ANXA4: variants seen among roughly 807,000 people sequenced by gnomAD.
ANXA4 encodes annexin A4, also known as 35-beta calcimedin.
In ANXA4, 39 loss-of-function variants were observed where a neutral mutation model predicts 49.8. That is an observed-to-expected ratio of 0.78 (90% confidence interval 0.61 to 1.02). The LOEUF (loss-of-function observed/expected upper bound fraction) is 1.02. Ranked by LOEUF, ANXA4 falls within the 50% of genes least tolerant of loss-of-function variation. The pLI is 0.00. For synonymous variants in ANXA4, 134 were observed against 152.5 expected, an observed-to-expected ratio of 0.88 and a Z score of 0.89; for missense variants, 360 against 410.1, an observed-to-expected ratio of 0.88 and a Z score of 1.05.
intron 2 of ANXA4, among the ~76,000 whole-genome samples, chr2:69,711,989 T>C (rs1174354972): frequency 6.6e-6 from 1 of 152,104 alleles, no homozygotes; most frequent in Non-Finnish European, 1.5e-5. Flanking sequence ...ATACATAGGA[T>C]TTTTGTATGT....
chr2:69,738,353 C>T (rs1473018522), upstream of ANXA4, among the ~76,000 whole-genome samples: 3 of 152,174 alleles, frequency 2.0e-5, no homozygotes, highest in Non-Finnish European at 4.4e-5. Context: ...TGAGTTTGAA[C>T]TTGGCTGCCA....
chr2:69,759,659 A>G (rs1250732035), intron 1 of ANXA4, among the ~76,000 whole-genome samples: 1 of 152,168 alleles, frequency 6.6e-6, no homozygotes, highest in Non-Finnish European at 1.5e-5. Flanking sequence ...AGGAGAGGTT[A>G]ATAGTGATAA....
chr2:69,790,680 CTGGCAGGATT>C (rs1207737015), intron 3 of ANXA4, among the ~76,000 whole-genome samples: 2 of 152,128 alleles, frequency 1.3e-5, no homozygotes, highest in Non-Finnish European at 2.9e-5. Flanking sequence ...TCTAGTTTAC[CTGGCAGGATT>C]TGTAGGATAA....
At chr2:69,712,598 C>G (rs911332673) in intron 2 of ANXA4, among the ~76,000 whole-genome samples, 3 of 152,100 alleles carry the variant, frequency 2.0e-5, no homozygotes, top group African/African-American at 7.2e-5. Flanking sequence ...TGCAATGGTT[C>G]TGGGCCTTTT....
At position 69,742,535 on chromosome 2, in the gene ANXA4, ACTC is replaced by A. The variant is rs534327244; in HGVS notation, c.-47+366_-47+368del. On this transcript the variant is annotated intron_variant, in intron 1 of 12. Coordinates refer to ENST00000394295, the MANE Select transcript of ANXA4 (RefSeq NM_001153.5). ...ACCGAGATAATCTTGCCTGTAGCTA[ACTC>A]CTCCTAACACCTCTTACAGTTTACT... is the stretch of plus-strand genomic sequence containing the variant. Among the ~76,000 whole-genome samples, 893 of 152,250 alleles carry A rather than the reference ACTC, an allele frequency of 5.9e-3. 4 individuals are homozygous for A. The highest frequency in any genetic ancestry group is 9.2e-3 in the Non-Finnish European group (623 of 67,998).
intron 2 of ANXA4, among the ~76,000 whole-genome samples, chr2:69,698,652 T>C (rs756840560): frequency 1.3e-5 from 2 of 152,108 alleles, no homozygotes; most frequent in Non-Finnish European, 2.9e-5. Flanking sequence ...GGCAGGACTG[T>C]GCGATGGGCA....
chr2:69,722,914 T>C (rs1405539534), intron 3 of ANXA4, among the ~76,000 whole-genome samples: 1 of 151,814 alleles, frequency 6.6e-6, no homozygotes, highest in East Asian at 1.9e-4. Flanking sequence ...GGCTCATGCC[T>C]GTAATCCCAG....
chr2:69,651,621 G>A (rs576135236), intron 1 of ANXA4, among the ~76,000 whole-genome samples: 2 of 150,644 alleles, frequency 1.3e-5, no homozygotes, highest in East Asian at 4.0e-4. Context: ...TCCTGCCTCG[G>A]CCTCCGGAGT....
At chr2:69,749,784 G>T (rs1403831434) in intron 1 of ANXA4, among the ~76,000 whole-genome samples, 1 of 151,772 alleles carries the variant, frequency 6.6e-6, no homozygotes, top group African/African-American at 2.4e-5. Flanking sequence ...AAATAGCTAG[G>T]TGTGGTAGTG....
chr2:69,774,614 A>C (rs1396632288), intron 1 of ANXA4, among the ~76,000 whole-genome samples: 1 of 152,062 alleles, frequency 6.6e-6, no homozygotes, highest in African/African-American at 2.4e-5. Context: ...TGCAGAGATT[A>C]CAGGCGTGAG....
rs1669852463 is a variant in ANXA4, at chr2:69,722,968, C to G, written n.864+2097C>G. Among the ~76,000 whole-genome samples, 4 of 148,406 alleles carry G rather than the reference C, an allele frequency of 2.7e-5. No individual in the cohort carries two copies. The South Asian group carries it at 6.4e-4, about 24-fold the overall frequency. ...TGGGCGGATCACGAGGTCAGGAGAT[C>G]AAGACCATTCTGGCTAACATGATGA... On this transcript the variant is annotated intron_variant and non_coding_transcript_variant, in intron 3 of 3. Transcript: ENST00000418066.
intron 2 of ANXA4, among the ~76,000 whole-genome samples, chr2:69,685,013 C>A (rs975211237): frequency 1.3e-5 from 2 of 152,234 alleles, no homozygotes; most frequent in African/African-American, 4.8e-5. Flanking sequence ...GGATCACCAA[C>A]AATCGTCAGG....
intron 2 of ANXA4, among the ~76,000 whole-genome samples, chr2:69,671,126 A>C (rs1677168349): frequency 6.6e-6 from 1 of 152,084 alleles, no homozygotes. Context: ...TTTAGATAAT[A>C]GAATGAGTAG....
At chr2:69,723,080 A>G (rs572932462) in intron 3 of ANXA4, among the ~76,000 whole-genome samples, 117 of 151,028 alleles carry the variant, frequency 7.7e-4, no homozygotes, top group Non-Finnish European at 1.5e-3. Context: ...AGTCCCAACT[A>G]CTAGAGAGGC....
intron 2 of ANXA4, among the ~76,000 whole-genome samples, chr2:69,713,285 GCTATTGGTGTAACACA>G (rs1208921115): frequency 6.6e-6 from 1 of 152,062 alleles, no homozygotes; most frequent in African/African-American, 2.4e-5. Context: ...TCAGGGGAGT[GCTATTGGTGTAACACA>G]CTTTCTGGCC....
At position 69,731,013 on chromosome 2, in the gene ANXA4, G is replaced by A. The variant is rs555646457; in HGVS notation, n.864+10142G>A. Reference sequence around the variant, plus strand: ...GATGGGTTTGAAGTGCTGGCCCTGAGGAGTGCTGGCCTCAAGAAGCCAAAA... The same window carrying A: ...GATGGGTTTGAAGTGCTGGCCCTGAAGAGTGCTGGCCTCAAGAAGCCAAAA... On this transcript the variant is annotated intron_variant and non_coding_transcript_variant, in intron 3 of 3. Transcript: ENST00000418066. 2.3e-4 allele frequency among the ~76,000 whole-genome samples: 34 copies of A among 149,436 alleles called. No individual in the cohort carries two copies. In the South Asian group the frequency reaches 6.4e-3, roughly 28 times the overall value.
chr2:69,804,159 A>AAAAC (rs869141655), intron 3 of ANXA4, among the ~76,000 whole-genome samples: 2,248 of 145,040 alleles, frequency 0.015, 131 homozygotes, highest in African/African-American at 0.058. Flanking sequence ...AAAAAAAAAA[A>AAAAC]TATTCTAGAG....
chr2:69,728,364 C>G (rs1418758984), intron 3 of ANXA4, among the ~76,000 whole-genome samples: 1 of 152,152 alleles, frequency 6.6e-6, no homozygotes, highest in African/African-American at 2.4e-5. Context: ...TCTTGATGAG[C>G]AGAAATTCTT....
chr2:69,670,566 G>C (rs1226237391), intron 2 of ANXA4, among the ~76,000 whole-genome samples: 1 of 152,024 alleles, frequency 6.6e-6, no homozygotes, highest in Non-Finnish European at 1.5e-5. Context: ...ATGTGGCATG[G>C]GCACAGGGAT....
Sources: gnomAD v4.1 joint callset for allele counts (sites outside exome capture counted in the v4.1 genomes callset) on GRCh38, gnomAD v4.1.1 for gene constraint, MANE v1.5 for transcripts, NCBI Gene and HGNC (gene_info 2026-07-23, HGNC 2026-07-21) for gene names.